Variants in OR4K1 observed in about 807,000 individuals in gnomAD.
The protein encoded by OR4K1 is olfactory receptor 4K1.
Under a neutral mutation model 14.4 loss-of-function variants are expected in OR4K1, and 16 were observed. The ratio of observed to expected loss-of-function variants is 1.11; its 90% CI spans 0.75 to 1.68. OR4K1 has a LOEUF of 1.68. Ranked by LOEUF, OR4K1 falls within the 40% of genes most tolerant of loss-of-function variation. The pLI, the probability that OR4K1 is intolerant of heterozygous loss-of-function variation, is 0.00. For synonymous variants in OR4K1, 181 were observed against 133.1 expected (o/e 1.36, Z -2.48); for missense variants, 548 against 376.9 (o/e 1.45, Z -3.76).
Position 19,935,723 on chromosome 14 carries a change from T to C in OR4K1, c.57T>C (p.Asn19=). 1 of 1,613,930 alleles carries C rather than the reference T, an allele frequency of 6.2e-7. No homozygotes were observed. The part of the protein sequence containing the change: ...VSEFVLLGLS[N]SWGLQLFFFA... ...AGTTTGTACTTTTGGGACTCTCTAA[T>C]TCCTGGGGACTTCAACTTTTCTTTT... is the stretch of plus-strand genomic sequence containing the variant. The change falls in exon 2 of 2, where the codon AAT becomes AAC. Residue 19 remains asparagine (N), a synonymous_variant. Coordinates refer to ENST00000641172, the MANE Select transcript of OR4K1 (RefSeq NM_001004063.3).
the OR4K1 span, among the ~76,000 whole-genome samples, chr14:19,920,366 G>T: frequency 6.6e-6 from 1 of 152,128 alleles, no homozygotes; most frequent in Admixed American, 6.5e-5. Context: ...AACTCAAGGG[G>T]TTCTAATTAT....
chr14:19,923,235 G>C, the OR4K1 span, among the ~76,000 whole-genome samples: 1 of 152,180 alleles, frequency 6.6e-6, no homozygotes, highest in African/African-American at 2.4e-5. Context: ...GTATGGATTT[G>C]TTACTAGACT....
At chr14:19,921,384 T>C in the OR4K1 span, 4,059 of 1,613,788 alleles carry the variant, frequency 2.5e-3, 57 homozygotes, top group African/African-American at 0.05. Context: ...CATCTATGTG[T>C]GGCCCTTTAC....
rs576011473 is a variant in OR4K1 at position 19,935,661 on chromosome 14, G to C, written c.-6G>C. Reference sequence around the variant, plus strand: ...TCTTTTTTTTAGGTAACTGAATATTGGATACATGGCTCACACAAATGAATC... The same window carrying C: ...TCTTTTTTTTAGGTAACTGAATATTCGATACATGGCTCACACAAATGAATC... On this transcript the variant is annotated 5_prime_UTR_variant, in exon 2 of 2. Coordinates refer to ENST00000641172, the MANE Select transcript of OR4K1 (RefSeq NM_001004063.3). 3 of 1,575,688 alleles carry C rather than the reference G, an allele frequency of 1.9e-6. No individual in the cohort carries two copies. In the South Asian group the frequency reaches 3.6e-5, roughly 19 times the overall value.
the OR4K1 span, among the ~76,000 whole-genome samples, chr14:19,925,649 A>T: frequency 1.2e-4 from 18 of 152,264 alleles, no homozygotes; most frequent in South Asian, 2.1e-4. Context: ...AACTAAGTTG[A>T]TGAGCAGTCC....
At chr14:19,932,122 A>T (rs1476779576) in intron 1 of OR4K1, among the ~76,000 whole-genome samples, 23 of 152,354 alleles carry the variant, frequency 1.5e-4, no homozygotes, top group African/African-American at 5.3e-4. Context: ...TGTTTCCTAT[A>T]TTTTGAAAAA....
At chr14:19,926,251 T>C (rs1882061450), upstream of OR4K1, among the ~76,000 whole-genome samples, 2 of 152,362 alleles carry the variant, frequency 1.3e-5, no homozygotes, top group Admixed American at 1.3e-4. Context: ...GTGATGGAGT[T>C]CTCACCCTTA....
chr14:19,923,811 A>G, the OR4K1 span, among the ~76,000 whole-genome samples: 13 of 152,360 alleles, frequency 8.5e-5, no homozygotes, highest in South Asian at 2.1e-4. Flanking sequence ...GTTCTCTCTT[A>G]GGGTATTTTT....
At chr14:19,929,810 C>A (rs8022602), upstream of OR4K1, among the ~76,000 whole-genome samples, 6,303 of 151,686 alleles carry the variant, frequency 0.042, 168 homozygotes, top group African/African-American at 0.11. Context: ...ATCATTGCTG[C>A]TGAAATCTAA....
chr14:19,922,426 C>T, the OR4K1 span, among the ~76,000 whole-genome samples: 2 of 152,210 alleles, frequency 1.3e-5, no homozygotes, highest in Non-Finnish European at 2.9e-5. Context: ...CTTCACTTCA[C>T]CTTCTGTGGA....
chr14:19,929,862 T>G (rs1438395525), upstream of OR4K1, among the ~76,000 whole-genome samples: 1 of 152,254 alleles, frequency 6.6e-6, no homozygotes, highest in Non-Finnish European at 1.5e-5. Flanking sequence ...TGTCTGTTTG[T>G]CATTGTATAT....
In OR4K1 at chr14:19,935,673, C is replaced by T. The variant is rs747749363; in HGVS notation, c.7C>T (p.His3Tyr). The T allele has an allele frequency of 6.3e-7, 1 of 1,591,932 alleles. No homozygotes were observed. The highest frequency in any genetic ancestry group is 8.5e-7 in the Non-Finnish European group (1 of 1,171,724). Residue 3 changes from histidine to tyrosine, a missense_variant, in exon 2 of 2, where the codon CAC becomes TAC. His to Tyr is a moderately conservative substitution (Grantham distance 83, BLOSUM62 2). Coordinates refer to ENST00000641172, the MANE Select transcript of OR4K1 (RefSeq NM_001004063.3). MAHTNESMVSEFV... is the reference protein window; with the variant it reads MAYTNESMVSEFV... Reference sequence around the variant, plus strand: ...GTAACTGAATATTGGATACATGGCTCACACAAATGAATCGATGGTGTCTGA... The same window carrying T: ...GTAACTGAATATTGGATACATGGCTTACACAAATGAATCGATGGTGTCTGA...
intron 1 of OR4K1, among the ~76,000 whole-genome samples, chr14:19,933,373 T>C (rs549517494): frequency 6.6e-6 from 1 of 152,332 alleles, no homozygotes; most frequent in African/African-American, 2.4e-5. Context: ...AATTCATAAC[T>C]ATAGCTCTTT....
chr14:19,935,360 C>A (rs768369115), intron 1 of OR4K1, among the ~76,000 whole-genome samples: 2 of 152,216 alleles, frequency 1.3e-5, no homozygotes, highest in Non-Finnish European at 2.9e-5. Flanking sequence ...ATGTATTTCA[C>A]TTATACTTTC....
intron 1 of OR4K1, among the ~76,000 whole-genome samples, chr14:19,932,637 C>G (rs1882210520): frequency 6.6e-6 from 1 of 152,240 alleles, no homozygotes; most frequent in Non-Finnish European, 1.5e-5. Flanking sequence ...TGTCCAAAAG[C>G]ATCTCCTAGT....
the OR4K1 span, among the ~76,000 whole-genome samples, chr14:19,925,185 A>C: frequency 6.6e-6 from 1 of 152,260 alleles, no homozygotes; most frequent in African/African-American, 2.4e-5. Flanking sequence ...ATGTGGAAAT[A>C]ACTCTAGTCA....
Position 19,932,725 on chromosome 14 carries a change from T to C in OR4K1, c.-20+1580T>C, listed in dbSNP as rs145758032. Among the ~76,000 whole-genome samples the C allele has an allele frequency of 5.0e-3, 767 of 152,262 alleles. 4 individuals carry two copies. The highest frequency in any genetic ancestry group is 0.018 in the African/African-American group (744 of 41,520). ...GGGCAATTTACTTAGCCTAAGCTTCTCTGTGCCTGAGTTCCTTCAATTATA... is the reference window on the plus strand; with the variant it reads ...GGGCAATTTACTTAGCCTAAGCTTCCCTGTGCCTGAGTTCCTTCAATTATA... On this transcript the variant is annotated intron_variant, in intron 1 of 1. Transcript: ENST00000641172.
the OR4K1 span, chr14:19,920,821 G>A: frequency 1.2e-6 from 2 of 1,614,170 alleles, no homozygotes; most frequent in Non-Finnish European, 1.7e-6. Flanking sequence ...GTTGACATTT[G>A]TCAGGCTTCT....
the OR4K1 span, chr14:19,921,050 C>T: frequency 6.2e-7 from 1 of 1,614,170 alleles, no homozygotes; most frequent in African/African-American, 1.3e-5. Context: ...TAATGATCTC[C>T]TGGGCTGTGA....
Sources: gnomAD v4.1 joint callset for allele counts (sites outside exome capture counted in the v4.1 genomes callset) on GRCh38, gnomAD v4.1.1 for gene constraint, MANE v1.5 for transcripts, NCBI Gene and HGNC (gene_info 2026-07-23, HGNC 2026-07-21) for gene names.